The following TTF2 variants were observed in gnomAD, a reference collection of about 807,000 sequenced individuals.
TTF2 encodes the protein RNA polymerase II termination factor.
Under a neutral mutation model 142.4 loss-of-function variants are expected in TTF2, and 108 were observed. The ratio of observed to expected loss-of-function variants is 0.76; its 90% CI spans 0.65 to 0.89. TTF2 has a LOEUF of 0.89. Ranked by LOEUF, TTF2 falls within the 40% of genes least tolerant of loss-of-function variation. The pLI, the probability that TTF2 is intolerant of heterozygous loss-of-function variation, is 0.00. For synonymous variants in TTF2, 483 were observed against 506.2 expected, an observed-to-expected ratio of 0.95 and a Z score of 0.61; for missense variants, 1,327 against 1,379.8, an observed-to-expected ratio of 0.96 and a Z score of 0.61.
intron 3 of TTF2, among the ~76,000 whole-genome samples, chr1:117,068,925 C>T (rs1013240894): frequency 3.2e-4 from 48 of 152,124 alleles, no homozygotes; most frequent in African/African-American, 1.1e-3. Flanking sequence ...TCCCAGTTTG[C>T]TTTTTGTCTT....
At chr1:117,064,953 G>T (rs754585403) in intron 3 of TTF2, among the ~76,000 whole-genome samples, 8 of 151,138 alleles carry the variant, frequency 5.3e-5, no homozygotes, top group Middle Eastern at 3.4e-3. Context: ...GTTACCAATT[G>T]TTTTAGCATC....
At chr1:117,062,711 A>G (rs113665084) in intron 3 of TTF2, among the ~76,000 whole-genome samples, 14 of 152,308 alleles carry the variant, frequency 9.2e-5, no homozygotes, top group African/African-American at 3.4e-4. Context: ...TCCCTCTCCA[A>G]CTGTCAGGTA....
In TTF2 at chr1:117,085,664, ATACTT is replaced by A. The variant is rs1348725525; in HGVS notation, c.2055-750_2055-746del. ...GCAGAATTTTACTTTATTTCAATAA[ATACTT>A]TATTTTATTTTATTATTTTATTTAC... On this transcript the variant is annotated intron_variant, in intron 11 of 22. Transcript: ENST00000369466. The surrounding 1 kb of genome is among the most constrained non-coding windows in gnomAD (Gnocchi z 4.7). Among the ~76,000 whole-genome samples, 4 of 152,170 alleles carry A rather than the reference ATACTT, an allele frequency of 2.6e-5. No homozygotes were observed. Among genetic ancestry groups the A allele is most frequent in the East Asian group, 3.8e-4 (2 of 5,204 alleles).
chr1:117,079,026 G>C lies in TTF2; in HGVS notation c.1702-542G>C, dbSNP rs1557813855. Among the ~76,000 whole-genome samples the C allele has an allele frequency of 6.6e-6, 1 of 152,154 alleles. No individual in the cohort carries two copies. Among genetic ancestry groups the C allele is most frequent in the Non-Finnish European group, 1.5e-5 (1 of 68,040 alleles). On this transcript the variant is annotated intron_variant, in intron 8 of 22. Coordinates refer to ENST00000369466, the MANE Select transcript of TTF2 (RefSeq NM_003594.4). The surrounding 1 kb of genome is among the most constrained non-coding windows in gnomAD (Gnocchi z 4.2). ...AGGCCGAGGCAGGCAGATCACTTGA[G>C]GCCAGGAGCTCAAGACTAGCCTGGC...
rs1649301065 is a variant in TTF2 at position 117,097,941 on chromosome 1, T to C, written c.3269+508T>C. Among the ~76,000 whole-genome samples the C allele has an allele frequency of 6.6e-6, 1 of 152,242 alleles. No homozygotes were observed. Among genetic ancestry groups the C allele is most frequent in the Non-Finnish European group, 1.5e-5 (1 of 68,038 alleles). ...TTAATACCAGGAGTACAACCACATC[T>C]TTCGTGGCTACAGAATGAATGAGTT... On this transcript the variant is annotated intron_variant, in intron 21 of 22. Coordinates refer to ENST00000369466, the MANE Select transcript of TTF2 (RefSeq NM_003594.4). This position sits in a 1 kb window ranked among gnomAD's most constrained non-coding sequence, Gnocchi z 4.1.
intron 13 of TTF2, 64 bp downstream of exon 13, chr1:117,089,046 T>C (rs1325777277): frequency 1.3e-6 from 2 of 1,505,298 alleles, no homozygotes; most frequent in Admixed American, 4.4e-5. Context: ...CATTATTTCA[T>C]GTCTCATAAT....
In TTF2 at chr1:117,076,539, G is replaced by A. The variant is rs1371375687; in HGVS notation, c.1391-102G>A. 10 of 1,275,236 alleles carry A rather than the reference G, an allele frequency of 7.8e-6. No homozygotes were observed. The highest frequency in any genetic ancestry group is 2.6e-5 in the Admixed American group (1 of 38,476). 79.0% of individuals were successfully genotyped at this position (1,275,236 alleles called of 1,614,324 possible). Reference sequence around the variant, plus strand: ...CTACCTTCTCTAGGAATCCTTCATCGGAATGGTGATGATCCCTCTCTCTTG... The same window carrying A: ...CTACCTTCTCTAGGAATCCTTCATCAGAATGGTGATGATCCCTCTCTCTTG... On this transcript the variant is annotated intron_variant, in intron 6 of 22. Coordinates refer to ENST00000369466, the MANE Select transcript of TTF2 (RefSeq NM_003594.4). This position sits in a 1 kb window ranked among gnomAD's most constrained non-coding sequence, Gnocchi z 4.6.
intron 20 of TTF2, 100 bp downstream of exon 20, chr1:117,096,399 C>T (rs893279432): frequency 5.2e-5 from 76 of 1,448,542 alleles, no homozygotes; most frequent in Non-Finnish European, 6.5e-5. Flanking sequence ...CTTTTTGAGA[C>T]GGAGTTTTGC....
At position 117,078,026 on chromosome 1, in the gene TTF2, G is replaced by A. The variant is rs376053424; in HGVS notation, c.1684G>A (p.Asp562Asn). The A allele has an allele frequency of 4.0e-5, 64 of 1,613,924 alleles. No homozygotes were observed. The African/African-American group carries it at 7.5e-4, about 19-fold the overall frequency. ...SCPGETVVAE[D>N]PAGLKVPLLL... ...TCCTGGTGAGACGGTTGTGGCAGAAGATCCCGCCGGGCTGAAGGTGAGCCA... is the reference window on the plus strand; with the variant it reads ...TCCTGGTGAGACGGTTGTGGCAGAAAATCCCGCCGGGCTGAAGGTGAGCCA... The change falls in exon 8 of 23, where the codon GAT (aspartate) becomes AAT (asparagine). Residue 562 changes from aspartate (D) to asparagine (N), a missense_variant. Transcript: ENST00000369466.
chr1:117,088,691 T>G, intron 12 of TTF2, 110 bp from the exon 13 acceptor site: 1 of 1,254,238 alleles, frequency 8.0e-7, no homozygotes, highest in South Asian at 1.5e-5. Context: ...GCTAAGCAAA[T>G]TTAAAGGTAA....
chr1:117,062,579 T>TA (rs1655776738), intron 3 of TTF2, 106 bp downstream of exon 3: 1 of 1,085,684 alleles, frequency 9.2e-7, no homozygotes, highest in Non-Finnish European at 1.3e-6. Flanking sequence ...AAAGTCATTT[T>TA]AAAAAACAAA....
In TTF2 at chr1:117,060,561, G is replaced by A. The variant is rs201058098; in HGVS notation, c.131+4G>A. On this transcript the variant is annotated splice_donor_region_variant and intron_variant, in intron 2 of 22. Transcript: ENST00000369466. Reference sequence around the variant, plus strand: ...GCAGCTTCGTGCGGGCCACCGAGTAGGTCTGGAGCTGGGCCCCACTCCCTG... The same window carrying A: ...GCAGCTTCGTGCGGGCCACCGAGTAAGTCTGGAGCTGGGCCCCACTCCCTG... 1.2e-5 allele frequency: 20 copies of A among 1,603,798 alleles called. No individual in the cohort carries two copies. The East Asian group carries it at 4.0e-4, about 32-fold the overall frequency.
chr1:117,063,763 T>C lies in TTF2; in HGVS notation c.218+1290T>C, dbSNP rs2101273723. Among the ~76,000 whole-genome samples the C allele has an allele frequency of 6.6e-6, 1 of 152,374 alleles. No homozygotes were observed. Among genetic ancestry groups the C allele is most frequent in the East Asian group, 1.9e-4 (1 of 5,196 alleles). The stretch of plus-strand genomic sequence containing the variant: ...ATACAGAGTTATCCCCTGTAGACTT[T>C]ATCCAGTTTCCCCCAATGGTAACGT... On this transcript the variant is annotated intron_variant, in intron 3 of 22. Transcript: ENST00000369466. The surrounding 1 kb of genome is among the most constrained non-coding windows in gnomAD (Gnocchi z 4.1).
In TTF2 at chr1:117,076,006, T is replaced by A. The variant is rs1656980654; in HGVS notation, c.1275+147T>A. ...CAGTTTCTGCCTTTTCCCCTATTTA[T>A]ATTTTCAAGATTGGTAAGCCAGCTG... On this transcript the variant is annotated intron_variant, in intron 5 of 22. Transcript: ENST00000369466. The surrounding 1 kb of genome is among the most constrained non-coding windows in gnomAD (Gnocchi z 4.6). The A allele has an allele frequency of 1.5e-6, 2 of 1,365,826 alleles. No homozygotes were observed. The highest frequency in any genetic ancestry group is 3.0e-5 in the South Asian group (2 of 66,482). The allele number at this position is 1,365,826 out of a possible 1,614,324, so 84.6% of individuals were successfully genotyped here. A position where few individuals can be genotyped will look rare whatever the true frequency, so the allele number is the denominator to read the frequency against.
rs964091673 is a variant in TTF2, at chr1:117,087,395, G to A, written c.2160+873G>A. ...CAACCTCTGCATCCCGGGTTCAAGC[G>A]ATTCTCCTGCCTCAGCTTCCCAAGT... On this transcript the variant is annotated intron_variant, in intron 12 of 22. Transcript: ENST00000369466. The surrounding 1 kb of genome is among the most constrained non-coding windows in gnomAD (Gnocchi z 4.8). Among the ~76,000 whole-genome samples, 11 of 152,116 alleles carry A rather than the reference G, an allele frequency of 7.2e-5. No homozygotes were observed. Among genetic ancestry groups the A allele is most frequent in the Non-Finnish European group, 1.2e-4 (8 of 68,016 alleles).
In TTF2 at chr1:117,091,370, C is replaced by G. The variant is rs751423856; in HGVS notation, c.2631C>G (p.Gly877=). 1.2e-6 allele frequency: 2 copies of G among 1,613,472 alleles called. No individual in the cohort carries two copies. The highest frequency in any genetic ancestry group is 1.3e-5 in the African/African-American group (1 of 75,010). The change falls in exon 16 of 23, where the codon GGC becomes GGG. Residue 877 remains glycine, a synonymous_variant. Transcript: ENST00000369466. ...QSYLKRHESR[G]NQSGRSPNNP... Reference sequence around the variant, plus strand: ...ATCTAAAAAGACATGAAAGTAGAGGCAACCAATCTGGAAGAAGCCCTAATA... The same window carrying G: ...ATCTAAAAAGACATGAAAGTAGAGGGAACCAATCTGGAAGAAGCCCTAATA...
rs1289000933 is a variant in TTF2, at chr1:117,070,805, G to T, written c.219-2856G>T. Among the ~76,000 whole-genome samples, 1 of 152,140 alleles carries T rather than the reference G, an allele frequency of 6.6e-6. No individual in the cohort carries two copies. Among genetic ancestry groups the T allele is most frequent in the Non-Finnish European group, 1.5e-5 (1 of 68,016 alleles). The stretch of plus-strand genomic sequence containing the variant: ...GTGTTTGTACAAGAGGGAGGGGCTG[G>T]ACCTATTTTCTTTTTAGCTTAACTT... On this transcript the variant is annotated intron_variant, in intron 3 of 22. Coordinates refer to ENST00000369466, the MANE Select transcript of TTF2 (RefSeq NM_003594.4). The surrounding 1 kb of genome is among the most constrained non-coding windows in gnomAD (Gnocchi z 4.2).
intron 19 of TTF2, 107 bp from the exon 20 acceptor site, chr1:117,096,042 G>A: frequency 4.5e-6 from 6 of 1,330,162 alleles, no homozygotes; most frequent in Non-Finnish European, 6.2e-6. Context: ...GCCTTTCCTT[G>A]TCAACATTTG....
intron 15 of TTF2, among the ~76,000 whole-genome samples, chr1:117,091,125 C>T (rs1273280681): frequency 6.6e-6 from 1 of 151,702 alleles, no homozygotes; most frequent in Non-Finnish European, 1.5e-5. Context: ...TCTTTTACAC[C>T]TTATATTTGT....
Sources: gnomAD v4.1 joint callset for allele counts (sites outside exome capture counted in the v4.1 genomes callset) on GRCh38, gnomAD v4.1.1 for gene constraint, Gnocchi (gnomAD v3.1) non-coding constraint, MANE v1.5 for transcripts, NCBI Gene and HGNC (gene_info 2026-07-23, HGNC 2026-07-21) for gene names.